The following SLCO6A1 variants were observed in gnomAD, a reference collection of about 807,000 sequenced individuals.
SLCO6A1 encodes solute carrier organic anion transporter family member 6A1, also known as cancer/testis antigen 48.
A neutral mutation model predicts 72.7 loss-of-function variants in SLCO6A1; 65 were observed. The ratio of observed to expected loss-of-function variants is 0.89; its 90% confidence interval spans 0.73 to 1.10. The LOEUF (loss-of-function observed/expected upper bound fraction) is 1.10. Among genes scored for constraint, SLCO6A1 ranks in the 50% least tolerant of loss-of-function variants. The probability of loss-of-function intolerance (pLI) is 0.00; values close to 1 mark genes in which losing one functional copy is unlikely to be tolerated. For missense variants in SLCO6A1, 874 were observed against 872.6 expected, an observed-to-expected ratio of 1.00 and a Z score of -0.02; for synonymous variants, 314 against 298.2, an observed-to-expected ratio of 1.05 and a Z score of -0.55.
chr5:102,406,780 A>T (rs1747693880), intron 9 of SLCO6A1, among the ~76,000 whole-genome samples: 1 of 152,214 alleles, frequency 6.6e-6, no homozygotes, highest in Non-Finnish European at 1.5e-5. Flanking sequence ...TAAAAAATAC[A>T]AGTGAAATTA....
chr5:102,441,900 C>T (rs1314479767), intron 6 of SLCO6A1, among the ~76,000 whole-genome samples: 1 of 150,972 alleles, frequency 6.6e-6, no homozygotes, highest in Non-Finnish European at 1.5e-5. Flanking sequence ...TTTTTATTTA[C>T]TTATTTTATG....
At chr5:102,459,878 GGT>G in intron 4 of SLCO6A1, 101 bp from the exon 5 acceptor site, 1 of 961,704 alleles carries the variant, frequency 1.0e-6, no homozygotes, top group Non-Finnish European at 1.5e-6. Context: ...AGAGAGGGAG[GGT>G]TGGAGAGTGA....
chr5:102,413,386 A>C (rs2112590273), intron 8 of SLCO6A1, among the ~76,000 whole-genome samples: 1 of 151,690 alleles, frequency 6.6e-6, no homozygotes, highest in South Asian at 2.1e-4. Flanking sequence ...AATAATCAAA[A>C]GTTTATTTAT....
intron 13 of SLCO6A1, among the ~76,000 whole-genome samples, chr5:102,372,387 A>C (rs180885719): frequency 6.6e-6 from 1 of 152,150 alleles, no homozygotes; most frequent in Non-Finnish European, 1.5e-5. Context: ...TCTCCCAAGA[A>C]AACAAAGAAA....
chr5:102,394,121 T>C (rs961515613), intron 10 of SLCO6A1, among the ~76,000 whole-genome samples: 3 of 152,164 alleles, frequency 2.0e-5, no homozygotes, highest in Non-Finnish European at 4.4e-5. Flanking sequence ...GCTTCTGCTC[T>C]CTCCGGAATT....
intron 8 of SLCO6A1, among the ~76,000 whole-genome samples, chr5:102,416,454 T>C (rs1435240801): frequency 6.6e-6 from 1 of 152,128 alleles, no homozygotes; most frequent in Non-Finnish European, 1.5e-5. Context: ...GAAGTCATTA[T>C]CTTAAGTGAA....
At chr5:102,376,339 T>C (rs905089107) in intron 12 of SLCO6A1, among the ~76,000 whole-genome samples, 1 of 152,102 alleles carries the variant, frequency 6.6e-6, no homozygotes, top group African/African-American at 2.4e-5. Flanking sequence ...AGGGCACATA[T>C]TTAGATGAAC....
At chr5:102,484,594 T>G (rs1387434302) in intron 1 of SLCO6A1, among the ~76,000 whole-genome samples, 1 of 151,618 alleles carries the variant, frequency 6.6e-6, no homozygotes, top group Non-Finnish European at 1.5e-5. Context: ...AGGTTTACAG[T>G]GAGCCAAGAT....
At chr5:102,405,957 A>G (rs1747647618) in intron 9 of SLCO6A1, among the ~76,000 whole-genome samples, 1 of 152,104 alleles carries the variant, frequency 6.6e-6, no homozygotes, top group Non-Finnish European at 1.5e-5. Context: ...ATATTACACT[A>G]TGTGCTATAA....
chr5:102,457,134 G>A (rs1325931183), intron 6 of SLCO6A1, among the ~76,000 whole-genome samples: 5 of 151,866 alleles, frequency 3.3e-5, no homozygotes, highest in South Asian at 4.2e-4. Flanking sequence ...TGTTAGACCT[G>A]AAACCATAAA....
intron 9 of SLCO6A1, among the ~76,000 whole-genome samples, chr5:102,410,373 G>A: frequency 6.6e-6 from 1 of 152,146 alleles, no homozygotes; most frequent in East Asian, 1.9e-4. Flanking sequence ...ATGGACCTCA[G>A]AGGGGAGGTA....
rs565001159 is a variant in SLCO6A1 at position 102,383,987 on chromosome 5, G to A, written c.2017+4701C>T. Among the ~76,000 whole-genome samples, 3 of 151,740 alleles carry A rather than the reference G, an allele frequency of 2.0e-5. No homozygotes were observed. The East Asian group carries it at 5.8e-4, about 29-fold the overall frequency. On this transcript the variant is annotated intron_variant, in intron 12 of 13. Coordinates refer to ENST00000506729, the MANE Select transcript of SLCO6A1 (RefSeq NM_173488.5). ...ATTTGATGTATAATTTTTCATAATA[G>A]TCTCATGATCCTTTTTATTTCTGTT... is the stretch of plus-strand genomic sequence containing the variant.
Position 102,492,423 on chromosome 5 carries a change from G to A in SLCO6A1, c.358+6064C>T, listed in dbSNP as rs142593707. Among the ~76,000 whole-genome samples the A allele has an allele frequency of 2.1e-3, 323 of 152,268 alleles. 3 individuals carry two copies. Among genetic ancestry groups the A allele is most frequent in the African/African-American group, 7.3e-3 (303 of 41,554 alleles). ...CAATGGGTGCACTTCCAAGATGGCC[G>A]AATAGGAACAGCTCCAGTCTACAGT... On this transcript the variant is annotated intron_variant, in intron 1 of 13. Transcript: ENST00000506729.
At chr5:102,381,731 C>CTTTTTTTTTTTTTTTTTTTTTTTT (rs57935092) in intron 12 of SLCO6A1, among the ~76,000 whole-genome samples, 1 of 134,348 alleles carries the variant, frequency 7.4e-6, no homozygotes, top group Non-Finnish European at 1.6e-5. Context: ...CAATATTTAT[C>CTTTTTTTTTTTTTTTTTTTTTTTT]TTTTTTTTTT....
At chr5:102,477,519 G>A (rs187054372) in intron 3 of SLCO6A1, among the ~76,000 whole-genome samples, 157 bp downstream of exon 3, 23 of 152,178 alleles carry the variant, frequency 1.5e-4, no homozygotes, top group Admixed American at 5.9e-4. Flanking sequence ...TTAGAATTAG[G>A]TGAATCAATG....
chr5:102,479,093 A>T (rs956666250), intron 2 of SLCO6A1, among the ~76,000 whole-genome samples: 5 of 152,118 alleles, frequency 3.3e-5, no homozygotes, highest in Non-Finnish European at 7.4e-5. Flanking sequence ...GTGGAATTGT[A>T]ATTCCCAATG....
chr5:102,491,380 C>T (rs376949278), intron 1 of SLCO6A1, among the ~76,000 whole-genome samples: 15 of 152,354 alleles, frequency 9.8e-5, no homozygotes, highest in East Asian at 7.7e-4. Context: ...CAGTTCCGCA[C>T]GGTGCACCCG....
chr5:102,465,727 A>G (rs936914478), intron 4 of SLCO6A1, among the ~76,000 whole-genome samples: 3 of 152,118 alleles, frequency 2.0e-5, no homozygotes, highest in Non-Finnish European at 2.9e-5. Flanking sequence ...ACCATCTATC[A>G]TATGAATACC....
At chr5:102,489,891 C>T (rs1752598401) in intron 1 of SLCO6A1, among the ~76,000 whole-genome samples, 1 of 152,092 alleles carries the variant, frequency 6.6e-6, no homozygotes, top group Non-Finnish European at 1.5e-5. Flanking sequence ...GGTATATATA[C>T]ATAATGGAAT....
Sources: gnomAD v4.1 joint callset for allele counts (sites outside exome capture counted in the v4.1 genomes callset) on GRCh38, gnomAD v4.1.1 for gene constraint, MANE v1.5 for transcripts, NCBI Gene and HGNC (gene_info 2026-07-23, HGNC 2026-07-21) for gene names.